Variants in VPS39 observed in about 807,000 individuals in gnomAD.
The protein encoded by VPS39 is VPS39 subunit of HOPS complex, also known as vam6/Vps39-like protein.
In VPS39, 70 loss-of-function variants were observed where a neutral mutation model predicts 121.0. The observed-to-expected ratio is 0.58, with a 90% CI of 0.48 to 0.71. The LOEUF (loss-of-function observed/expected upper bound fraction) is 0.71, where lower values mean the gene tolerates loss of function less well. Among genes scored for constraint, VPS39 ranks in the 30% least tolerant of loss-of-function variants. The pLI, the probability that VPS39 is intolerant of heterozygous loss-of-function variation, is 0.00. For missense variants in VPS39, 818 were observed against 1,051.5 expected (o/e 0.78, Z 3.07); for synonymous variants, 378 against 398.1 (o/e 0.95, Z 0.60).
intron 2 of VPS39, chr15:42,199,522 ATT>A: frequency 2.3e-6 from 1 of 443,458 alleles, no homozygotes; most frequent in Non-Finnish European, 4.6e-6. Context: ...ATGTTGCCTA[ATT>A]TTTTTTCCTA....
chr15:42,178,459 G>A lies in VPS39; in HGVS notation c.830C>T (p.Thr277Ile), dbSNP rs1566898615. 6.2e-7 allele frequency: 1 copy of A among 1,614,176 alleles called. No homozygotes were observed. Among genetic ancestry groups the A allele is most frequent in the Non-Finnish European group, 8.5e-7 (1 of 1,180,036 alleles). Residue 277 changes from threonine to isoleucine, a missense_variant, in exon 9 of 25, where the codon ACC (threonine) becomes ATC (isoleucine). By Grantham distance (89) the Thr-to-Ile change is moderately conservative (BLOSUM62 -1). Transcript: ENST00000318006. ...AAAAGAAATTCCTTACCCTCCTGAG[G>A]TAATGAAACGGGGCCTTTGCAATTC... ...SIELQRPRFITSGGSNIIYVA... is the reference protein window; with the variant it reads ...SIELQRPRFIISGGSNIIYVA...
At chr15:42,202,681 TTTTC>T (rs1231321823) in intron 1 of VPS39, among the ~76,000 whole-genome samples, 18 of 152,176 alleles carry the variant, frequency 1.2e-4, no homozygotes, top group African/African-American at 4.1e-4. Context: ...CAGTTCCTGC[TTTTC>T]TTTATCTTTT....
intron 13 of VPS39, 150 bp downstream of exon 13, chr15:42,167,244 A>G (rs1595643729): frequency 1.9e-6 from 2 of 1,033,290 alleles, no homozygotes; most frequent in East Asian, 5.2e-5. Flanking sequence ...CAAGAGACTC[A>G]CAGACATCAG....
In VPS39 at chr15:42,169,784, A is replaced by G. The variant is rs758234789; in HGVS notation, c.1173T>C (p.Pro391=). The G allele has an allele frequency of 5.0e-6, 8 of 1,614,180 alleles. No individual in the cohort carries two copies. The Admixed American group carries it at 1.0e-4, about 20-fold the overall frequency. Residue 391 remains proline, a synonymous_variant, in exon 12 of 25, where the codon CCT becomes CCC. Transcript: ENST00000318006. ...RKQLQYPNPL[P]VLSGAELEKA... ...TCTCCAATTCAGCCCCGGAGAGCAC[A>G]GGCAATGGGTTGGGATACTGCAACT...
In VPS39 at chr15:42,162,421, T is replaced by C. The variant is rs777263975; in HGVS notation, c.2236A>G (p.Ile746Val). ...TTTGGCTCCAGTAGTTCCAGCTTGA[T>C]TGGCCCCAGGCAGTGAATGCTGGGG... ...SPPSIHCLGP[I>V]KLELLEPKAN... The change falls in exon 22 of 25, where the codon ATC becomes GTC. Residue 746 changes from isoleucine (I) to valine (V), a missense_variant. Coordinates refer to ENST00000318006, the MANE Select transcript of VPS39 (RefSeq NM_015289.5). 5 of 1,613,598 alleles carry C rather than the reference T, an allele frequency of 3.1e-6. No homozygotes were observed. In the African/African-American group the frequency reaches 6.7e-5, roughly 22 times the overall value.
At position 42,167,494 on chromosome 15, in the gene VPS39, T is replaced by C. The variant is rs753398905; in HGVS notation, c.1277A>G (p.Gln426Arg). Residue 426 changes from glutamine to arginine, a missense_variant, in exon 13 of 25, where the codon CAG becomes CGG. Physicochemically the swap from Gln to Arg is conservative, Grantham distance 43. Transcript: ENST00000318006. ...LVKKLNDSDH[Q>R]SSTSPLMEGT... The stretch of plus-strand genomic sequence containing the variant: ...TTCCATGAGCGGTGAGGTGCTTGAC[T>C]GGTGATCAGAGTCATTCAGCTTCTT... The C allele has an allele frequency of 6.2e-7, 1 of 1,614,170 alleles. No homozygotes were observed. Among genetic ancestry groups the C allele is most frequent in the South Asian group, 1.1e-5 (1 of 91,076 alleles).
intron 5 of VPS39, 41 bp from the exon 6 acceptor site, chr15:42,187,897 C>T: frequency 6.4e-7 from 1 of 1,559,236 alleles, no homozygotes. Flanking sequence ...TACAATGACT[C>T]TCTCTAACTG....
chr15:42,199,180 T>C lies in VPS39; in HGVS notation c.139+716A>G, dbSNP rs112203612. On this transcript the variant is annotated intron_variant, in intron 2 of 24. Transcript: ENST00000318006. ...AATACCTAAACACATCTATTCTCCATAAAGAGAGCACAGAAACGAAAACAA... is the reference window on the plus strand; with the variant it reads ...AATACCTAAACACATCTATTCTCCACAAAGAGAGCACAGAAACGAAAACAA... 2.5e-3 allele frequency among the ~76,000 whole-genome samples: 376 copies of C among 152,246 alleles called. 3 individuals are homozygous for C. Among genetic ancestry groups the C allele is most frequent in the African/African-American group, 7.7e-3 (320 of 41,554 alleles).
intron 4 of VPS39, 72 bp downstream of exon 4, chr15:42,191,053 A>G: frequency 6.4e-7 from 1 of 1,550,984 alleles, no homozygotes; most frequent in Non-Finnish European, 8.9e-7. Flanking sequence ...TATCAAATTA[A>G]CCATGAAAGG....
chr15:42,199,965 G>C lies in VPS39; in HGVS notation c.74-4C>G. On this transcript the variant is annotated splice_polypyrimidine_tract_variant and splice_region_variant and intron_variant, in intron 1 of 24. Coordinates refer to ENST00000318006, the MANE Select transcript of VPS39 (RefSeq NM_015289.5). ...GTTCCCACAAGAAGCCATTCCTCTG[G>C]AAAAACAAAACAAAACAAAAACAAA... 1 of 1,546,600 alleles carries C rather than the reference G, an allele frequency of 6.5e-7. No individual in the cohort carries two copies. Among genetic ancestry groups the C allele is most frequent in the Non-Finnish European group, 8.6e-7 (1 of 1,159,160 alleles).
chr15:42,162,624 A>C, intron 21 of VPS39, 143 bp from the exon 22 acceptor site: 1 of 1,018,222 alleles, frequency 9.8e-7, no homozygotes, highest in Non-Finnish European at 1.3e-6. Flanking sequence ...TTCACCTTGT[A>C]AATTGGTAAG....
In VPS39 at chr15:42,169,424, TA is replaced by T. The variant is rs933525804; in HGVS notation, c.1233+299del. Among the ~76,000 whole-genome samples, 3 of 152,230 alleles carry T rather than the reference TA, an allele frequency of 2.0e-5. No individual in the cohort carries two copies. In the South Asian group the frequency reaches 6.2e-4, roughly 31 times the overall value. On this transcript the variant is annotated intron_variant, in intron 12 of 24. Transcript: ENST00000318006. ...CATGTATATTACAAAAAGTTTGTTT[TA>T]AAAAAACTTGTATGCTTCTATCAAC...
intron 3 of VPS39, 83 bp from the exon 4 acceptor site, chr15:42,191,250 G>A: frequency 6.6e-7 from 1 of 1,511,772 alleles, no homozygotes. Context: ...GTAATAAAAA[G>A]GGACCACGGA....
intron 22 of VPS39, 25 bp downstream of exon 22, chr15:42,162,307 C>T: frequency 2.5e-6 from 4 of 1,600,516 alleles, no homozygotes; most frequent in African/African-American, 1.3e-5. Context: ...AAACACCCTC[C>T]ATCTCCCTAG....
intron 8 of VPS39, among the ~76,000 whole-genome samples, chr15:42,181,821 C>T (rs2049587509): frequency 6.6e-6 from 1 of 152,046 alleles, no homozygotes; most frequent in African/African-American, 2.4e-5. Context: ...GCAATCCTCC[C>T]ACCTCAGCCA....
intron 20 of VPS39, 111 bp from the exon 21 acceptor site, chr15:42,163,506 A>G (rs554061003): frequency 1.3e-6 from 2 of 1,549,302 alleles, no homozygotes; most frequent in South Asian, 1.1e-5. Context: ...ACTGCGGGCC[A>G]GGACGGAGGC....
At chr15:42,203,719 C>A (rs1302556575) in intron 1 of VPS39, among the ~76,000 whole-genome samples, 1 of 152,172 alleles carries the variant, frequency 6.6e-6, no homozygotes, top group Non-Finnish European at 1.5e-5. Context: ...GGATTAAATT[C>A]TCTGTAAACT....
At chr15:42,165,921 G>C (rs2049233224) in intron 16 of VPS39, 105 bp from the exon 17 acceptor site, 1 of 1,157,156 alleles carries the variant, frequency 8.6e-7, no homozygotes, top group South Asian at 1.3e-5. Flanking sequence ...AGGAGGGCAA[G>C]GGTACGAGAA....
At chr15:42,185,724 G>C (rs899053519) in intron 7 of VPS39, among the ~76,000 whole-genome samples, 38 of 152,150 alleles carry the variant, frequency 2.5e-4, no homozygotes, top group Non-Finnish European at 1.2e-4. Flanking sequence ...GTTACCAGAG[G>C]TCTAGGAACA....
Sources: allele counts gnomAD v4.1 joint callset (sites outside exome capture counted in the v4.1 genomes callset), GRCh38; gene constraint gnomAD v4.1.1; transcripts MANE v1.5; gene names NCBI Gene and HGNC (gene_info 2026-07-23, HGNC 2026-07-21).